The following CUBN variants were observed in gnomAD, a reference collection of about 807,000 sequenced individuals.
CUBN encodes the protein 460 kDa receptor.
A neutral mutation model predicts 405.3 loss-of-function variants in CUBN; 282 were observed. The ratio of observed to expected loss-of-function variants is 0.70; its 90% CI spans 0.63 to 0.77. CUBN has a LOEUF of 0.77. CUBN is among the 30% of genes least tolerant of loss of function. CUBN has a pLI of 0.00. For missense variants in CUBN, 4,514 were observed against 4,475.2 expected (o/e 1.01, Z -0.25); for synonymous variants, 1,684 against 1,617.0 (o/e 1.04, Z -0.99).
At chr10:16,984,013 G>T in intron 30 of CUBN, 92 bp downstream of exon 30, 2 of 1,373,956 alleles carry the variant, frequency 1.5e-6, no homozygotes, top group Non-Finnish European at 2.1e-6. Context: ...TAAGTTATAA[G>T]TGTGTAGCCT....
intron 59 of CUBN, among the ~76,000 whole-genome samples, chr10:16,856,478 G>A (rs993448129): frequency 2.6e-5 from 4 of 152,084 alleles, no homozygotes; most frequent in Non-Finnish European, 4.4e-5. Context: ...ATTAAAAATC[G>A]GTAACCGAAT....
chr10:16,954,456 G>C lies in CUBN; in HGVS notation c.4788C>G (p.Ser1596Arg). 6.2e-7 allele frequency: 1 copy of C among 1,614,128 alleles called. No homozygotes were observed. Among genetic ancestry groups the C allele is most frequent in the Non-Finnish European group, 8.5e-7 (1 of 1,180,024 alleles). The part of the protein sequence containing the change: ...LANPIVSSGN[S>R]LFLRFQSGPS... Reference sequence around the variant, plus strand: ...GGCCAGACTGAAATCTCAAGAAGAGGCTGTTTCCTGAGGAGACGATGGGGT... The same window carrying C: ...GGCCAGACTGAAATCTCAAGAAGAGCCTGTTTCCTGAGGAGACGATGGGGT... The change falls in exon 32 of 67, where the codon AGC (serine) becomes AGG (arginine). Residue 1596 changes from serine (S) to arginine (R), a missense_variant. This residue lies in a region of CUBN where 1,613 missense variants were observed against 1,542.8 expected (regional missense o/e 1.05). Transcript: ENST00000377833.
intron 27 of CUBN, 37 bp from the exon 28 acceptor site, chr10:17,020,020 A>G (rs376044642): frequency 1.2e-6 from 2 of 1,611,190 alleles, no homozygotes; most frequent in Non-Finnish European, 1.7e-6. Flanking sequence ...ATAAAAACAC[A>G]TGGTTTGTGG....
At chr10:17,070,547 G>A (rs552065829) in intron 19 of CUBN, among the ~76,000 whole-genome samples, 24 of 152,048 alleles carry the variant, frequency 1.6e-4, no homozygotes, top group Middle Eastern at 3.4e-3. Context: ...TTTCAAGGAC[G>A]TTTTATAGTC....
chr10:16,973,366 T>G (rs1439645827), intron 31 of CUBN, among the ~76,000 whole-genome samples: 1 of 152,208 alleles, frequency 6.6e-6, no homozygotes, highest in Non-Finnish European at 1.5e-5. Flanking sequence ...TCCAGAGCAC[T>G]GAGCCCTAGA....
chr10:17,082,325 T>G (rs560444646), intron 17 of CUBN, among the ~76,000 whole-genome samples: 1 of 152,336 alleles, frequency 6.6e-6, no homozygotes, highest in Non-Finnish European at 1.5e-5. Flanking sequence ...TGAACTAACT[T>G]TAATCCCCTT....
chr10:16,926,693 T>A (rs1242536061), intron 41 of CUBN, among the ~76,000 whole-genome samples: 1 of 152,094 alleles, frequency 6.6e-6, no homozygotes, highest in Non-Finnish European at 1.5e-5. Flanking sequence ...TTGACTTAAA[T>A]AATGAGAAAA....
intron 56 of CUBN, among the ~76,000 whole-genome samples, chr10:16,882,179 C>T (rs1012028462): frequency 2.0e-5 from 3 of 152,146 alleles, no homozygotes; most frequent in East Asian, 3.9e-4. Context: ...CAGACATATG[C>T]GAACTTGTGA....
Position 17,068,768 on chromosome 10 carries a change from A to G in CUBN, c.2628T>C (p.Ile876=). ...GAGAACCCAAAATGGAACTGCTACC[A>G]ATCTAAAATTAGAGAAGATATGTTC... ...SAHCETDYVE[I]GSSSILGSPE... The change falls in exon 20 of 67, where the codon ATT becomes ATC. Residue 876 remains isoleucine, a splice_region_variant and synonymous_variant. Coordinates refer to ENST00000377833, the MANE Select transcript of CUBN (RefSeq NM_001081.4). 1 of 1,608,720 alleles carries G rather than the reference A, an allele frequency of 6.2e-7. No homozygotes were observed. Among genetic ancestry groups the G allele is most frequent in the Non-Finnish European group, 8.5e-7 (1 of 1,175,438 alleles).
Position 17,058,219 on chromosome 10 carries a change from GGT to G in CUBN, c.3139+7287_3139+7288del, listed in dbSNP as rs377102832. Reference sequence around the variant, plus strand: ...AACTATTCTATATTGGTAGAAACCAGGTGTGTGTTTGCTGACATAGAGGTTGT... The same window carrying G: ...AACTATTCTATATTGGTAGAAACCAGGTGTGTTTGCTGACATAGAGGTTGT... On this transcript the variant is annotated intron_variant, in intron 22 of 66. Coordinates refer to ENST00000377833, the MANE Select transcript of CUBN (RefSeq NM_001081.4). Among the ~76,000 whole-genome samples the G allele has an allele frequency of 4.6e-3, 703 of 152,196 alleles. 6 individuals carry two copies. The highest frequency in any genetic ancestry group is 0.016 in the African/African-American group (661 of 41,552).
In CUBN at chr10:16,940,225, C is replaced by T. The variant is rs199509575; in HGVS notation, c.5355G>A (p.Leu1785=). Residue 1785 remains leucine, a synonymous_variant, in exon 37 of 67, where the codon TTG becomes TTA. Coordinates refer to ENST00000377833, the MANE Select transcript of CUBN (RefSeq NM_001081.4). ...RLQLSFISFQ[L]EDSQDCSRDF... is the part of the protein sequence containing the mutation. ...CTCTGCTGCAGTCCTGAGAGTCTTCCAACTGGAAAGATCTGATTTGGGGAA... is the reference window on the plus strand; with the variant it reads ...CTCTGCTGCAGTCCTGAGAGTCTTCTAACTGGAAAGATCTGATTTGGGGAA... The T allele has an allele frequency of 1.7e-5, 27 of 1,613,968 alleles. No homozygotes were observed. In the East Asian group the frequency reaches 5.6e-4, roughly 33 times the overall value.
chr10:16,981,798 CA>C lies in CUBN; in HGVS notation c.4695+685del, dbSNP rs150560629. 1.6e-4 allele frequency among the ~76,000 whole-genome samples: 24 copies of C among 152,278 alleles called. No homozygotes were observed. In the East Asian group the frequency reaches 4.1e-3, roughly 26 times the overall value. The stretch of plus-strand genomic sequence containing the variant: ...CCCTTCGCAAGTCCTGTAAAGGAGT[CA>C]AGGAAACCCTCCCATCTCAGTAGCA... On this transcript the variant is annotated intron_variant, in intron 31 of 66. Coordinates refer to ENST00000377833, the MANE Select transcript of CUBN (RefSeq NM_001081.4).
At chr10:16,932,709 C>T (rs549198662) in intron 40 of CUBN, among the ~76,000 whole-genome samples, 15 of 152,128 alleles carry the variant, frequency 9.9e-5, no homozygotes, top group Non-Finnish European at 2.1e-4. Context: ...ATGGTGTGAA[C>T]CACTATGTCC....
Position 16,948,605 on chromosome 10 carries a change from G to T in CUBN, c.5082C>A (p.Gly1694=). Residue 1694 remains glycine (G), a splice_region_variant and synonymous_variant, in exon 35 of 67, where the codon GGC becomes GGA. Coordinates refer to ENST00000377833, the MANE Select transcript of CUBN (RefSeq NM_001081.4). ...DGGHEDAPLR[G]RYCGTDMPHP... is the part of the protein sequence containing the mutation. ...GGGGCATGTCGGTGCCACAGTAACG[G>T]CCTAAATAATGAAGATAATGACAAG... 1 of 1,613,674 alleles carries T rather than the reference G, an allele frequency of 6.2e-7. No homozygotes were observed. Among genetic ancestry groups the T allele is most frequent in the Non-Finnish European group, 8.5e-7 (1 of 1,179,766 alleles).
chr10:17,053,621 T>C (rs776202372), intron 22 of CUBN, among the ~76,000 whole-genome samples: 2 of 152,024 alleles, frequency 1.3e-5, no homozygotes, highest in Non-Finnish European at 2.9e-5. Context: ...AAAACCATGA[T>C]TAGAGTTGAA....
At chr10:17,099,246 C>G (rs753271101) in intron 14 of CUBN, among the ~76,000 whole-genome samples, 2 of 151,854 alleles carry the variant, frequency 1.3e-5, no homozygotes, top group Non-Finnish European at 2.9e-5. Context: ...ATACTGATCT[C>G]TTTACTTTTT....
intron 28 of CUBN, among the ~76,000 whole-genome samples, chr10:17,000,358 C>G (rs541139883): frequency 6.6e-6 from 1 of 152,118 alleles, no homozygotes; most frequent in Non-Finnish European, 1.5e-5. Context: ...AGTAATAAAG[C>G]AGAAATTGTG....
At chr10:17,048,444 T>C (rs1835187924) in intron 22 of CUBN, among the ~76,000 whole-genome samples, 1 of 152,006 alleles carries the variant, frequency 6.6e-6, no homozygotes, top group African/African-American at 2.4e-5. Context: ...AAATCTGAAA[T>C]ATTTTACAAA....
At chr10:17,041,327 A>C (rs751183534) in intron 26 of CUBN, 107 bp from the exon 27 acceptor site, 15 of 837,874 alleles carry the variant, frequency 1.8e-5, no homozygotes, top group Non-Finnish European at 2.8e-5. Context: ...GTGTATGTAC[A>C]CACACACATA....
Sources: allele counts gnomAD v4.1 joint callset (sites outside exome capture counted in the v4.1 genomes callset), GRCh38; gene constraint gnomAD v4.1.1; regional missense constraint gnomAD v4.1.1; transcripts MANE v1.5; gene names NCBI Gene and HGNC (gene_info 2026-07-23, HGNC 2026-07-21).